SV2C: variants seen among roughly 807,000 people sequenced by gnomAD.
The protein encoded by SV2C is solute carrier family 22 member B3.
Under a neutral mutation model 79.7 loss-of-function variants are expected in SV2C, and 49 were observed. The observed-to-expected ratio is 0.61, with a 90% confidence interval of 0.49 to 0.78. The LOEUF (loss-of-function observed/expected upper bound fraction) is 0.78. Among genes scored for constraint, SV2C ranks in the 30% least tolerant of loss-of-function variants. SV2C has a pLI of 0.00. For synonymous variants in SV2C, 334 were observed against 333.2 expected (o/e 1.00, Z -0.03); for missense variants, 833 against 912.9 (o/e 0.91, Z 1.13).
At chr5:76,222,731 A>C (rs1436755513) in intron 4 of SV2C, among the ~76,000 whole-genome samples, 3 of 152,240 alleles carry the variant, frequency 2.0e-5, no homozygotes, top group Non-Finnish European at 2.9e-5. Flanking sequence ...TAATTAATTC[A>C]AAATAAAAAG....
At chr5:76,203,372 G>A (rs1744511688) in intron 3 of SV2C, among the ~76,000 whole-genome samples, 1 of 152,168 alleles carries the variant, frequency 6.6e-6, no homozygotes, top group African/African-American at 2.4e-5. Flanking sequence ...AGGAATGGAT[G>A]AGGAAATGTA....
At chr5:76,203,149 T>C (rs1744504246) in intron 3 of SV2C, among the ~76,000 whole-genome samples, 2 of 152,180 alleles carry the variant, frequency 1.3e-5, no homozygotes, top group Non-Finnish European at 2.9e-5. Context: ...ACAAAAGATC[T>C]TCCAGACCCA....
chr5:76,127,383 T>G (rs1156486343), intron 1 of SV2C, among the ~76,000 whole-genome samples: 1 of 152,228 alleles, frequency 6.6e-6, no homozygotes, highest in Admixed American at 6.5e-5. Flanking sequence ...TAATTATTCT[T>G]TATATTTTAC....
chr5:75,968,661 A>G, the SV2C span, among the ~76,000 whole-genome samples: 3 of 152,230 alleles, frequency 2.0e-5, no homozygotes, highest in Admixed American at 6.5e-5. Flanking sequence ...AGCCTCCAAG[A>G]AATATGGGAC....
At chr5:76,106,810 C>G (rs7725280) in intron 1 of SV2C, among the ~76,000 whole-genome samples, 30,417 of 151,984 alleles carry the variant, frequency 0.2, 3,377 homozygotes, top group East Asian at 0.45. Context: ...TTGCCTTACT[C>G]TTTTTTTTCA....
the SV2C span, among the ~76,000 whole-genome samples, chr5:75,945,087 T>C: frequency 6.6e-6 from 1 of 151,968 alleles, no homozygotes; most frequent in Non-Finnish European, 1.5e-5. Context: ...GAAACAGACT[T>C]AAAGCAGCTA....
At chr5:76,048,961 AAAAGAGAAAGAAAGAAAGAAAGAAAG>A in the SV2C span, among the ~76,000 whole-genome samples, 9 of 120,976 alleles carry the variant, frequency 7.4e-5, no homozygotes, top group African/African-American at 2.6e-4. Context: ...GAGAGAAAGA[AAAAGAGAAAGAAAGAAAGAAAGAAAG>A]AAAGAAAGAA....
chr5:75,933,192 A>G, the SV2C span, among the ~76,000 whole-genome samples: 1 of 152,180 alleles, frequency 6.6e-6, no homozygotes, highest in Non-Finnish European at 1.5e-5. Context: ...CTACCCCCGC[A>G]TCATCACCAA....
At chr5:76,094,372 T>C (rs1747477134) in intron 1 of SV2C, among the ~76,000 whole-genome samples, 2 of 152,196 alleles carry the variant, frequency 1.3e-5, no homozygotes, top group African/African-American at 4.8e-5. Flanking sequence ...TCACCAAAGA[T>C]TGGTTTTGCT....
the SV2C span, among the ~76,000 whole-genome samples, chr5:75,850,118 A>G: frequency 6.6e-6 from 1 of 152,196 alleles, no homozygotes; most frequent in African/African-American, 2.4e-5. Context: ...TTTTAGGTAT[A>G]TAAGGAATGT....
chr5:76,153,266 T>C (rs1742610580), intron 2 of SV2C, among the ~76,000 whole-genome samples: 1 of 152,192 alleles, frequency 6.6e-6, no homozygotes, highest in Admixed American at 6.5e-5. Flanking sequence ...GGAACTAAGT[T>C]GGGAGGCTGA....
intron 4 of SV2C, among the ~76,000 whole-genome samples, chr5:76,270,171 T>A (rs976529993): frequency 1.3e-5 from 2 of 152,218 alleles, no homozygotes; most frequent in African/African-American, 4.8e-5. Flanking sequence ...TTGGGCTTCT[T>A]TTAATCTCTA....
intron 2 of SV2C, among the ~76,000 whole-genome samples, chr5:76,181,646 G>A (rs1056771038): frequency 2.0e-5 from 3 of 151,948 alleles, no homozygotes; most frequent in Admixed American, 6.6e-5. Flanking sequence ...ATCAGATCTC[G>A]TGAGAACTCT....
At chr5:76,045,238 T>C in the SV2C span, among the ~76,000 whole-genome samples, 3 of 152,246 alleles carry the variant, frequency 2.0e-5, no homozygotes, top group African/African-American at 4.8e-5. Context: ...TGTAGTCTTA[T>C]TTCTGAGATC....
chr5:76,270,849 G>T (rs989269035), intron 4 of SV2C, among the ~76,000 whole-genome samples: 3 of 151,688 alleles, frequency 2.0e-5, no homozygotes, highest in African/African-American at 7.3e-5. Flanking sequence ...GCTCACTGCA[G>T]TCTCTGCCTC....
chr5:76,253,746 G>A (rs1013063016), intron 4 of SV2C, among the ~76,000 whole-genome samples: 24 of 147,122 alleles, frequency 1.6e-4, no homozygotes, highest in African/African-American at 5.3e-4. Flanking sequence ...TCCTTACTAC[G>A]AAGATTTTAT....
At chr5:75,879,909 C>T in the SV2C span, among the ~76,000 whole-genome samples, 555 of 152,290 alleles carry the variant, frequency 3.6e-3, 2 homozygotes, top group Non-Finnish European at 4.5e-3. Context: ...TGGAACTCAC[C>T]AAGTCTCCAT....
the SV2C span, among the ~76,000 whole-genome samples, chr5:75,996,577 T>C: frequency 2.6e-5 from 4 of 152,150 alleles, no homozygotes; most frequent in Non-Finnish European, 5.9e-5. Flanking sequence ...CCTTGGGCAG[T>C]ATGGCCATTT....
At chr5:75,984,594 T>TCTAC in the SV2C span, among the ~76,000 whole-genome samples, 19 of 81,912 alleles carry the variant, frequency 2.3e-4, no homozygotes, top group South Asian at 9.4e-4. Flanking sequence ...TATCTATCTA[T>TCTAC]CTACCTATCT....
Sources: gnomAD v4.1 joint callset for allele counts (sites outside exome capture counted in the v4.1 genomes callset) on GRCh38, gnomAD v4.1.1 for gene constraint, MANE v1.5 for transcripts, NCBI Gene and HGNC (gene_info 2026-07-23, HGNC 2026-07-21) for gene names.